CHRM2: variants seen among roughly 807,000 people sequenced by gnomAD.
The protein encoded by CHRM2 is muscarinic acetylcholine receptor M2.
In CHRM2, 8 loss-of-function variants were observed where a neutral mutation model predicts 25.0. The observed-to-expected ratio is 0.32, with a 90% confidence interval of 0.19 to 0.58. The LOEUF (loss-of-function observed/expected upper bound fraction) is 0.58, where lower values mean the gene tolerates loss of function less well. Among genes scored for constraint, CHRM2 ranks in the 20% least tolerant of loss-of-function variants. The pLI, the probability that CHRM2 is intolerant of heterozygous loss-of-function variation, is 0.88. For missense variants in CHRM2, 440 were observed against 567.1 expected, an observed-to-expected ratio of 0.78 and a Z score of 2.28; for synonymous variants, 202 against 205.7, an observed-to-expected ratio of 0.98 and a Z score of 0.15.
At chr7:136,900,313 G>A (rs559096991) in intron 2 of CHRM2, among the ~76,000 whole-genome samples, 3 of 152,206 alleles carry the variant, frequency 2.0e-5, no homozygotes, top group East Asian at 1.9e-4. Context: ...TTGCAGCCAA[G>A]TTAACTATTT....
intron 2 of CHRM2, among the ~76,000 whole-genome samples, chr7:136,949,459 TAAA>T (rs386411435): frequency 2.5e-5 from 3 of 120,846 alleles, no homozygotes; most frequent in African/African-American, 3.3e-5. Context: ...TCTGCAAAAC[TAAA>T]AAAAAAAAAA....
intron 3 of CHRM2, among the ~76,000 whole-genome samples, chr7:137,000,626 GCTTTCCTTAACCTAC>G (rs202016649): frequency 0.048 from 6,253 of 130,020 alleles, 165 homozygotes; most frequent in Middle Eastern, 0.091. Flanking sequence ...ATTTTTAAAG[GCTTTCCTTAACCTAC>G]CTTTCCTTAA....
intron 2 of CHRM2, among the ~76,000 whole-genome samples, chr7:136,887,813 T>A (rs1049626173): frequency 6.6e-6 from 1 of 152,222 alleles, no homozygotes; most frequent in Non-Finnish European, 1.5e-5. Flanking sequence ...ATATATTTTT[T>A]AAATTTTACT....
chr7:136,926,866 T>C (rs1485441174), intron 2 of CHRM2, among the ~76,000 whole-genome samples: 7 of 152,218 alleles, frequency 4.6e-5, no homozygotes, highest in Non-Finnish European at 1.0e-4. Flanking sequence ...ATTCTATTTA[T>C]ACCCAAAGAT....
chr7:136,900,179 A>T lies in CHRM2; in HGVS notation c.-125+30761A>T, dbSNP rs1284665746. Among the ~76,000 whole-genome samples the T allele has an allele frequency of 2.0e-5, 3 of 152,170 alleles. No individual in the cohort carries two copies. In the East Asian group the frequency reaches 5.8e-4, roughly 30 times the overall value. ...ATTTCTGATACTATCATCACCACCAACAGCAGGTGATACATTCCCCAACCC... is the reference window on the plus strand; with the variant it reads ...ATTTCTGATACTATCATCACCACCATCAGCAGGTGATACATTCCCCAACCC... On this transcript the variant is annotated intron_variant, in intron 2 of 3. Transcript: ENST00000680005.
intron 3 of CHRM2, among the ~76,000 whole-genome samples, chr7:136,995,878 AAAAAT>A (rs1803566021): frequency 6.6e-6 from 1 of 151,982 alleles, no homozygotes; most frequent in African/African-American, 2.4e-5. Flanking sequence ...AAAGATAATT[AAAAAT>A]AAAACACTAA....
At chr7:136,998,243 G>T (rs1326957894) in intron 3 of CHRM2, among the ~76,000 whole-genome samples, 3 of 152,162 alleles carry the variant, frequency 2.0e-5, no homozygotes, top group South Asian at 2.1e-4. Flanking sequence ...CATGGATGAA[G>T]GGTCACAGAA....
At chr7:136,976,311 G>T (rs376827460) in intron 2 of CHRM2, among the ~76,000 whole-genome samples, 1 of 151,978 alleles carries the variant, frequency 6.6e-6, no homozygotes, top group Non-Finnish European at 1.5e-5. Flanking sequence ...GGAGTTAGTG[G>T]CATTACTGAT....
At chr7:136,951,568 G>A in intron 2 of CHRM2, among the ~76,000 whole-genome samples, 1 of 152,132 alleles carries the variant, frequency 6.6e-6, no homozygotes, top group East Asian at 1.9e-4. Flanking sequence ...TAAGAAAAGA[G>A]GGAGTGAGGG....
At chr7:136,938,643 C>A in intron 2 of CHRM2, 5 of 830,602 alleles carry the variant, frequency 6.0e-6, no homozygotes, top group Non-Finnish European at 8.3e-6. Context: ...CTCATGCGGG[C>A]ACAGGGCCCA....
At chr7:136,894,086 A>G (rs1157686788) in intron 2 of CHRM2, among the ~76,000 whole-genome samples, 2 of 152,102 alleles carry the variant, frequency 1.3e-5, no homozygotes, top group Non-Finnish European at 1.5e-5. Flanking sequence ...TCATCATCAG[A>G]CTATCCTCAG....
chr7:136,883,129 C>T (rs1468340976), intron 2 of CHRM2, among the ~76,000 whole-genome samples: 1 of 152,108 alleles, frequency 6.6e-6, no homozygotes, highest in Non-Finnish European at 1.5e-5. Context: ...GCTTAGCGTT[C>T]CCTCCTAATA....
chr7:136,983,305 T>C (rs532337792), intron 2 of CHRM2, among the ~76,000 whole-genome samples: 2 of 152,286 alleles, frequency 1.3e-5, no homozygotes, highest in South Asian at 4.1e-4. Context: ...ATCATTTATG[T>C]TCTTCTTTAA....
chr7:136,928,549 ATTCATTG>A (rs1275093598), intron 2 of CHRM2, among the ~76,000 whole-genome samples: 1 of 152,188 alleles, frequency 6.6e-6, no homozygotes, highest in Non-Finnish European at 1.5e-5. Context: ...CTTTACTTGT[ATTCATTG>A]TAAATAATGA....
At chr7:136,966,825 A>G (rs1801445821) in intron 2 of CHRM2, among the ~76,000 whole-genome samples, 1 of 151,880 alleles carries the variant, frequency 6.6e-6, no homozygotes, top group Non-Finnish European at 1.5e-5. Flanking sequence ...TGATGTGTCT[A>G]TGGAATCAGT....
At chr7:136,940,228 A>T (rs1584792692) in intron 2 of CHRM2, among the ~76,000 whole-genome samples, 1 of 152,232 alleles carries the variant, frequency 6.6e-6, no homozygotes, top group African/African-American at 2.4e-5. Flanking sequence ...TGCCACAGTA[A>T]AATTGATATA....
chr7:137,000,731 T>C (rs535926032), intron 3 of CHRM2, among the ~76,000 whole-genome samples: 2 of 140,080 alleles, frequency 1.4e-5, no homozygotes, highest in African/African-American at 5.6e-5. Flanking sequence ...TCTGTTCACC[T>C]TTTTTTTTTT....
intron 2 of CHRM2, among the ~76,000 whole-genome samples, chr7:136,949,276 A>G (rs1440065306): frequency 6.6e-6 from 1 of 152,070 alleles, no homozygotes; most frequent in Non-Finnish European, 1.5e-5. Flanking sequence ...AGAAACTCAG[A>G]GAGGCGAAAT....
At chr7:136,892,660 T>C (rs543428887) in intron 2 of CHRM2, among the ~76,000 whole-genome samples, 35 of 146,726 alleles carry the variant, frequency 2.4e-4, no homozygotes, top group African/African-American at 8.7e-4. Context: ...AAAGTGCTCT[T>C]ATTAAAAGTT....
Sources: allele counts gnomAD v4.1 joint callset (sites outside exome capture counted in the v4.1 genomes callset), GRCh38; gene constraint gnomAD v4.1.1; transcripts MANE v1.5; gene names NCBI Gene and HGNC (gene_info 2026-07-23, HGNC 2026-07-21).